Variants in RARB observed in about 807,000 individuals in gnomAD.
RARB encodes the protein HBV-activated protein.
In RARB, 17 loss-of-function variants were observed where a neutral mutation model predicts 51.9. The ratio of observed to expected loss-of-function variants is 0.33; its 90% CI spans 0.22 to 0.49. The LOEUF is 0.49. RARB is among the 20% of genes least tolerant of loss of function. The pLI is 0.99. For synonymous variants in RARB, 215 were observed against 195.4 expected (o/e 1.10, Z -0.84); for missense variants, 369 against 550.8 (o/e 0.67, Z 3.30).
intron 5 of RARB, among the ~76,000 whole-genome samples, chr3:25,248,672 T>C (rs1410649294): frequency 6.6e-6 from 1 of 152,164 alleles, no homozygotes; most frequent in Non-Finnish European, 1.5e-5. Context: ...GTTTGAGAAA[T>C]ACTTTATTTG....
At chr3:25,040,531 G>A (rs954504285) in intron 2 of RARB, among the ~76,000 whole-genome samples, 1 of 152,094 alleles carries the variant, frequency 6.6e-6, no homozygotes, top group Non-Finnish European at 1.5e-5. Flanking sequence ...ACAGAAGTTC[G>A]AGACCAGCCT....
chr3:25,340,348 C>T (rs1201108230), intron 5 of RARB, among the ~76,000 whole-genome samples: 1 of 152,070 alleles, frequency 6.6e-6, no homozygotes, highest in Non-Finnish European at 1.5e-5. Context: ...GTTCAATTTC[C>T]CATTTATGTG....
At chr3:25,138,606 AAATC>A (rs1025230811) in intron 4 of RARB, among the ~76,000 whole-genome samples, 2 of 152,148 alleles carry the variant, frequency 1.3e-5, no homozygotes, top group Non-Finnish European at 2.9e-5. Flanking sequence ...TAGGAAAAGA[AAATC>A]AAGGTGGAAG....
chr3:24,894,640 T>G (rs1703445060), intron 2 of RARB, among the ~76,000 whole-genome samples: 1 of 152,212 alleles, frequency 6.6e-6, no homozygotes, highest in Non-Finnish European at 1.5e-5. Context: ...GGAATGGGAA[T>G]GCTTTTGGAA....
chr3:25,210,139 A>T (rs551752126), intron 5 of RARB, among the ~76,000 whole-genome samples: 2 of 152,182 alleles, frequency 1.3e-5, no homozygotes, highest in Non-Finnish European at 1.5e-5. Flanking sequence ...GACAGAAAAT[A>T]ATAGAAGTAG....
At chr3:24,961,919 CTTTTTTTTTTTTTTT>C (rs35078496) in intron 2 of RARB, among the ~76,000 whole-genome samples, 1 of 70,674 alleles carries the variant, frequency 1.4e-5, no homozygotes, top group Non-Finnish European at 2.5e-5. Context: ...CTTTGGGTGT[CTTTTTTTTTTTTTTT>C]TTTTTTTTTT....
rs142298258 is a variant in RARB, at chr3:25,593,307, A to G, written c.787-196A>G. ...TCTTATGTCCTGTTTAGTGTTTCCT[A>G]AAAAACTTTAGCCCCTGGGTTTTGA... On this transcript the variant is annotated intron_variant, in intron 5 of 7. Coordinates refer to ENST00000330688, the MANE Select transcript of RARB (RefSeq NM_000965.5). 3.1e-4 allele frequency among the ~76,000 whole-genome samples: 47 copies of G among 152,264 alleles called. No individual in the cohort carries two copies. The East Asian group carries it at 7.7e-3, about 25-fold the overall frequency.
intron 2 of RARB, among the ~76,000 whole-genome samples, chr3:24,935,610 T>G (rs749363791): frequency 2.0e-5 from 3 of 152,166 alleles, no homozygotes; most frequent in Non-Finnish European, 2.9e-5. Context: ...ACTAGTTTTA[T>G]GCTGATTTTT....
intron 3 of RARB, among the ~76,000 whole-genome samples, chr3:25,079,866 G>A (rs1698956668): frequency 6.6e-6 from 1 of 152,126 alleles, no homozygotes; most frequent in African/African-American, 2.4e-5. Context: ...TTCTTAACAG[G>A]ATTATCCTGG....
At chr3:25,106,547 C>A (rs1699508294) in intron 3 of RARB, among the ~76,000 whole-genome samples, 1 of 148,670 alleles carries the variant, frequency 6.7e-6, no homozygotes, top group Non-Finnish European at 1.5e-5. Context: ...AAGCAATCTG[C>A]CCCTCTCATC....
chr3:24,894,750 C>T (rs190573224), intron 2 of RARB, among the ~76,000 whole-genome samples: 1 of 152,254 alleles, frequency 6.6e-6, no homozygotes, highest in Admixed American at 6.5e-5. Flanking sequence ...TAGCATATTG[C>T]TGGAGTAACC....
In RARB at chr3:25,428,873, C is replaced by T; in HGVS notation, c.142C>T (p.Arg48Trp). ...SGLTQTEWQHRHTAQSIETQS... is the reference protein window; with the variant it reads ...SGLTQTEWQHWHTAQSIETQS... ...ATTGACCCAAACCGAATGGCAGCAT[C>T]GGCACACTGCTCAATGTAGGTTTAT... The change falls in exon 1 of 8, where the codon CGG becomes TGG. Residue 48 changes from arginine to tryptophan, a missense_variant. Around this residue, in one of 9 missense-constraint regions of RARB, gnomAD observed 99 missense variants for 95.1 expected, o/e 1.04. Transcript: ENST00000330688. 2 of 1,611,742 alleles carry T rather than the reference C, an allele frequency of 1.2e-6. No homozygotes were observed. The highest frequency in any genetic ancestry group is 1.7e-6 in the Non-Finnish European group (2 of 1,178,146).
intron 5 of RARB, among the ~76,000 whole-genome samples, chr3:25,383,607 CA>C (rs1168092435): frequency 1.3e-5 from 2 of 152,160 alleles, no homozygotes; most frequent in African/African-American, 2.4e-5. Flanking sequence ...TAAAGAGCTA[CA>C]TTTTTTTAAT....
intron 1 of RARB, among the ~76,000 whole-genome samples, chr3:24,835,803 A>G (rs1199053634): frequency 6.6e-6 from 1 of 152,154 alleles, no homozygotes; most frequent in African/African-American, 2.4e-5. Context: ...ACACACCTCA[A>G]AGAAACAGTG....
intron 4 of RARB, among the ~76,000 whole-genome samples, chr3:25,151,143 C>T (rs1205032930): frequency 2.0e-5 from 3 of 152,158 alleles, no homozygotes; most frequent in East Asian, 1.9e-4. Flanking sequence ...CTTGGCTTTC[C>T]ATTTGGCAGA....
At chr3:25,245,227 C>T (rs1469237260) in intron 5 of RARB, among the ~76,000 whole-genome samples, 1 of 152,158 alleles carries the variant, frequency 6.6e-6, no homozygotes, top group Non-Finnish European at 1.5e-5. Flanking sequence ...CTCCTGAATA[C>T]ACCACACAGA....
At chr3:24,844,729 A>G (rs529662907) in intron 1 of RARB, among the ~76,000 whole-genome samples, 9 of 152,244 alleles carry the variant, frequency 5.9e-5, no homozygotes, top group African/African-American at 2.2e-4. Flanking sequence ...CAACTTATAC[A>G]CAGAGTATAT....
At chr3:24,859,447 C>T (rs1277409207) in intron 2 of RARB, among the ~76,000 whole-genome samples, 1 of 152,124 alleles carries the variant, frequency 6.6e-6, no homozygotes, top group Non-Finnish European at 1.5e-5. Flanking sequence ...TCAGGTGCCA[C>T]GTTATTGTAC....
At chr3:25,350,125 ACTGGC>A (rs1235370893) in intron 5 of RARB, among the ~76,000 whole-genome samples, 1 of 151,838 alleles carries the variant, frequency 6.6e-6, no homozygotes, top group Non-Finnish European at 1.5e-5. Context: ...TAAGCTTGGA[ACTGGC>A]CCATCATTGC....
Sources: gnomAD v4.1 joint callset for allele counts (sites outside exome capture counted in the v4.1 genomes callset) on GRCh38, gnomAD v4.1.1 for gene constraint, gnomAD v4.1.1 regional missense constraint, MANE v1.5 for transcripts, NCBI Gene and HGNC (gene_info 2026-07-23, HGNC 2026-07-21) for gene names.